TEP1: variants seen among roughly 807,000 people sequenced by gnomAD.
TEP1 encodes telomerase associated protein 1, also known as telomerase protein component 1.
Under a neutral mutation model 306.3 loss-of-function variants are expected in TEP1, and 241 were observed. The ratio of observed to expected loss-of-function variants is 0.79; its 90% CI spans 0.71 to 0.88. The LOEUF is 0.88. TEP1 is among the 40% of genes least tolerant of loss of function. The pLI is 0.00. For synonymous variants in TEP1, 1,289 were observed against 1,305.5 expected (o/e 0.99, Z 0.27); for missense variants, 3,051 against 3,276.1 (o/e 0.93, Z 1.68).
intron 7 of TEP1, among the ~76,000 whole-genome samples, chr14:20,402,042 A>G (rs1878803062): frequency 6.6e-6 from 1 of 152,184 alleles, no homozygotes; most frequent in African/African-American, 2.4e-5. Flanking sequence ...TTGGGAGGCC[A>G]AGGCAGGTGG....
intron 1 of TEP1, among the ~76,000 whole-genome samples, chr14:20,409,779 G>C (rs1879484041): frequency 6.6e-6 from 1 of 152,072 alleles, no homozygotes; most frequent in Non-Finnish European, 1.5e-5. Context: ...CCAGCACTTT[G>C]GGAGGCCGAG....
intron 53 of TEP1, among the ~76,000 whole-genome samples, 182 bp from the exon 54 acceptor site, chr14:20,369,084 C>T (rs1276205576): frequency 2.6e-5 from 4 of 151,878 alleles, no homozygotes; most frequent in South Asian, 4.2e-4. Context: ...CTCGGCTCAC[C>T]GCAAGCTCTG....
rs1400448920 is a variant in TEP1, at chr14:20,380,306, G to A, written c.4932C>T (p.Leu1644=). 3 of 1,614,184 alleles carry A rather than the reference G, an allele frequency of 1.9e-6. No homozygotes were observed. The highest frequency in any genetic ancestry group is 4.5e-5 in the East Asian group (2 of 44,880). The change falls in exon 34 of 55, where the codon CTC becomes CTT. Residue 1644 remains leucine (L), a synonymous_variant. Coordinates refer to ENST00000262715, the MANE Select transcript of TEP1 (RefSeq NM_007110.5). ...DSPLCHQASL[L]SRRWHLQHTL... Reference sequence around the variant, plus strand: ...TGTGTTGGAGGTGCCATCTCCGGGAGAGCAGCGAGGCTTGGTGGCAAAGAG... The same window carrying A: ...TGTGTTGGAGGTGCCATCTCCGGGAAAGCAGCGAGGCTTGGTGGCAAAGAG...
At chr14:20,397,198 A>G (rs893475550) in intron 9 of TEP1, among the ~76,000 whole-genome samples, 1 of 152,216 alleles carries the variant, frequency 6.6e-6, no homozygotes, top group Non-Finnish European at 1.5e-5. Flanking sequence ...AGGTTTCTAA[A>G]CTTTTTAGAT....
chr14:20,392,462 G>C lies in TEP1; in HGVS notation c.1929-695C>G, dbSNP rs548326448. 2.0e-5 allele frequency among the ~76,000 whole-genome samples: 3 copies of C among 146,732 alleles called. No homozygotes were observed. The South Asian group carries it at 6.6e-4, about 32-fold the overall frequency. On this transcript the variant is annotated intron_variant, in intron 12 of 54. Coordinates refer to ENST00000262715, the MANE Select transcript of TEP1 (RefSeq NM_007110.5). ...CTTGGCAAATCTAAATCTGTTCGAG[G>C]CTTTAGAGCTAATGCCCAGTGAACA...
intron 10 of TEP1, 70 bp from the exon 11 acceptor site, chr14:20,396,019 C>A: frequency 1.7e-6 from 2 of 1,169,656 alleles, no homozygotes; most frequent in South Asian, 1.3e-5. Context: ...GGGGTCCACT[C>A]TATTAGCTTT....
chr14:20,405,922 G>A (rs559070239), intron 3 of TEP1, among the ~76,000 whole-genome samples: 106 of 150,816 alleles, frequency 7.0e-4, no homozygotes, highest in Non-Finnish European at 1.0e-3. Flanking sequence ...GCTGAGGCAG[G>A]AGAATAATGA....
In TEP1 at chr14:20,392,632, T is replaced by G. The variant is rs1167413375; in HGVS notation, c.1929-865A>C. On this transcript the variant is annotated intron_variant, in intron 12 of 54. Transcript: ENST00000262715. ...AAGGTTAAAAGTGACATAACAGACT[T>G]AACAACCAAATGTAATGTGTATACC... 4.6e-5 allele frequency among the ~76,000 whole-genome samples: 7 copies of G among 152,214 alleles called. No homozygotes were observed. The East Asian group carries it at 9.6e-4, about 21-fold the overall frequency.
At position 20,382,320 on chromosome 14, in the gene TEP1, G is replaced by C. The variant is rs753467724; in HGVS notation, c.4177C>G (p.Pro1393Ala). 1 of 1,613,516 alleles carries C rather than the reference G, an allele frequency of 6.2e-7. No homozygotes were observed. The highest frequency in any genetic ancestry group is 8.5e-7 in the Non-Finnish European group (1 of 1,179,684). Residue 1393 changes from proline (P) to alanine (A), a missense_variant, in exon 29 of 55, where the codon CCC becomes GCC. By Grantham distance (27) the Pro-to-Ala change is conservative (BLOSUM62 -1). Transcript: ENST00000262715. ...ERLRTLPATV[P>A]LLLQHILSTL... ...CTCAGGATGTGCTGCAGCAGCAGGG[G>C]GACAGTGGCAGGCAGGGTCCGGAGT...
chr14:20,382,967 G>A (rs1416125105), intron 27 of TEP1, among the ~76,000 whole-genome samples: 2 of 152,228 alleles, frequency 1.3e-5, no homozygotes, highest in South Asian at 2.1e-4. Context: ...ACCCCGAGAG[G>A]CCCTGGAAAG....
At chr14:20,380,682 T>C (rs188708863) in intron 33 of TEP1, among the ~76,000 whole-genome samples, 1 of 152,344 alleles carries the variant, frequency 6.6e-6, no homozygotes, top group African/African-American at 2.4e-5. Flanking sequence ...GGATCTGCAA[T>C]TTGAACAAGT....
chr14:20,380,258 G>A lies in TEP1; in HGVS notation c.4980C>T (p.Pro1660=), dbSNP rs61996762. The A allele has an allele frequency of 6.2e-7, 1 of 1,614,128 alleles. No individual in the cohort carries two copies. Among genetic ancestry groups the A allele is most frequent in the East Asian group, 2.2e-5 (1 of 44,880 alleles). The change falls in exon 34 of 55, where the codon CCC becomes CCT. Residue 1660 remains proline, a synonymous_variant. Coordinates refer to ENST00000262715, the MANE Select transcript of TEP1 (RefSeq NM_007110.5). ...LQHTLRWLNK[P]RTMKNQQSSS... ...ACCTTTGCTGATTTTTCATGGTCCG[G>A]GGTTTATTAAGCCATCGTAGTGTGT...
At position 20,395,550 on chromosome 14, in the gene TEP1, A is replaced by T. The variant is rs764423063; in HGVS notation, c.1828T>A (p.Phe610Ile). 2 of 1,613,784 alleles carry T rather than the reference A, an allele frequency of 1.2e-6. No individual in the cohort carries two copies. The highest frequency in any genetic ancestry group is 2.2e-5 in the South Asian group (2 of 91,060). The stretch of plus-strand genomic sequence containing the variant: ...TGCTGACGGCTTAGGTGGCAAAGAA[A>T]CCTCCGCCTGGGACGGTTCTTTTCA... ...RNEKNRPRRR[F>I]LCHLSRQQLR... Residue 610 changes from phenylalanine (F) to isoleucine (I), a missense_variant, in exon 12 of 55, where the codon TTT becomes ATT. Physicochemically the swap from Phe to Ile is conservative, Grantham distance 21. Transcript: ENST00000262715.
At chr14:20,407,379 GAC>G (rs781669317) in intron 2 of TEP1, among the ~76,000 whole-genome samples, 3 of 152,184 alleles carry the variant, frequency 2.0e-5, no homozygotes, top group South Asian at 4.1e-4. Flanking sequence ...ATTTTTTTGA[GAC>G]ACAGTCTCTC....
chr14:20,377,946 G>C, intron 39 of TEP1, 78 bp downstream of exon 39: 1 of 1,555,728 alleles, frequency 6.4e-7, no homozygotes, highest in Non-Finnish European at 8.8e-7. Flanking sequence ...CTCGACAAAG[G>C]ACCCCCACCC....
intron 20 of TEP1, among the ~76,000 whole-genome samples, chr14:20,385,648 T>C (rs911996813): frequency 1.3e-5 from 2 of 152,234 alleles, no homozygotes; most frequent in African/African-American, 4.8e-5. Context: ...GCTGGGATTA[T>C]AGGCGTGAGC....
At chr14:20,377,940 A>G (rs1235868284) in intron 39 of TEP1, 84 bp downstream of exon 39, 4 of 1,549,002 alleles carry the variant, frequency 2.6e-6, no homozygotes, top group African/African-American at 2.7e-5. Flanking sequence ...AGTCTCCTCG[A>G]CAAAGGACCC....
In TEP1 at chr14:20,368,438, C is replaced by T. The variant is rs916170312; in HGVS notation, c.7883G>A (p.Ter2628=). Residue 2628 remains the stop codon, a stop_retained_variant, in exon 55 of 55, where the codon TGA becomes TAA. Transcript: ENST00000262715. ...TCATTATTCCCGAGTGGCACATCTT[C>T]ATTCCCAATTCAGAAAGTACACATT... The part of the protein sequence containing the change: ...QGNVYFLNWE[*] 1 of 1,614,024 alleles carries T rather than the reference C, an allele frequency of 6.2e-7. No homozygotes were observed. The highest frequency in any genetic ancestry group is 1.3e-5 in the African/African-American group (1 of 74,922).
chr14:20,389,428 G>T, intron 16 of TEP1, 131 bp from the exon 17 acceptor site: 1 of 1,420,970 alleles, frequency 7.0e-7, no homozygotes. Flanking sequence ...CTAGGGCTAG[G>T]GTGGACTCTC....
Sources: gnomAD v4.1 joint callset for allele counts (sites outside exome capture counted in the v4.1 genomes callset) on GRCh38, gnomAD v4.1.1 for gene constraint, MANE v1.5 for transcripts, NCBI Gene and HGNC (gene_info 2026-07-23, HGNC 2026-07-21) for gene names.